The following TTC29 variants were observed in gnomAD, a reference collection of about 807,000 sequenced individuals.
TTC29 encodes tetratricopeptide repeat protein 29.
A neutral mutation model predicts 58.1 loss-of-function variants in TTC29; 49 were observed. The ratio of observed to expected loss-of-function variants is 0.84; its 90% CI spans 0.67 to 1.07. TTC29 has a LOEUF of 1.07. Ranked by LOEUF, TTC29 falls within the 50% of genes least tolerant of loss-of-function variation. The probability of loss-of-function intolerance (pLI) is 0.00; values close to 1 mark genes in which losing one functional copy is unlikely to be tolerated. For synonymous variants in TTC29, 209 were observed against 196.8 expected (o/e 1.06, Z -0.52); for missense variants, 582 against 555.6 (o/e 1.05, Z -0.48).
chr4:146,786,268 G>A (rs1172213246), intron 11 of TTC29, among the ~76,000 whole-genome samples: 1 of 152,202 alleles, frequency 6.6e-6, no homozygotes, highest in Non-Finnish European at 1.5e-5. Context: ...TAATGCACAA[G>A]TGACCGTTTG....
chr4:146,767,073 C>T (rs1464279474), intron 11 of TTC29, among the ~76,000 whole-genome samples: 2 of 152,008 alleles, frequency 1.3e-5, no homozygotes, highest in Non-Finnish European at 2.9e-5. Flanking sequence ...AGGTTTCCTT[C>T]GTAACACATG....
At chr4:146,903,094 A>G (rs1275351879) in intron 6 of TTC29, among the ~76,000 whole-genome samples, 3 of 152,142 alleles carry the variant, frequency 2.0e-5, no homozygotes, top group Non-Finnish European at 4.4e-5. Context: ...TAACATTATT[A>G]AGTATGAAGT....
chr4:146,886,643 A>T (rs899604640), intron 6 of TTC29, among the ~76,000 whole-genome samples: 3 of 152,266 alleles, frequency 2.0e-5, no homozygotes, highest in South Asian at 4.1e-4. Context: ...AAATTTTTTT[A>T]AATTTATAAT....
rs776758799 is a variant in TTC29 at position 146,903,609 on chromosome 4, T to G, written c.521A>C (p.Lys174Thr). Residue 174 changes from lysine to threonine, a missense_variant, in exon 6 of 13, where the codon AAA (lysine) becomes ACA (threonine). Coordinates refer to ENST00000325106, the MANE Select transcript of TTC29 (RefSeq NM_031956.4). ...GGCTTCTTTCTTCCCACAGTCAATT[T>G]TGATCAGCTGAGCAATCTTAAAACA... is the stretch of plus-strand genomic sequence containing the variant. The part of the protein sequence containing the change: ...ERCFKIAQLI[K>T]IDCGKKEAEA... 3 of 1,612,878 alleles carry G rather than the reference T, an allele frequency of 1.9e-6. No individual in the cohort carries two copies.
chr4:146,943,814 C>G (rs186997303), intron 2 of TTC29, among the ~76,000 whole-genome samples: 1 of 152,118 alleles, frequency 6.6e-6, no homozygotes, highest in Non-Finnish European at 1.5e-5. Context: ...GCCTTTTGGT[C>G]TTTGTTAATA....
At chr4:146,739,476 C>A (rs146842167) in intron 11 of TTC29, among the ~76,000 whole-genome samples, 4 of 152,230 alleles carry the variant, frequency 2.6e-5, no homozygotes, top group Non-Finnish European at 5.9e-5. Context: ...GATTTTCTTA[C>A]AAATTATGAT....
intron 10 of TTC29, among the ~76,000 whole-genome samples, chr4:146,807,245 A>G (rs1054555863): frequency 9.8e-5 from 15 of 152,354 alleles, no homozygotes; most frequent in African/African-American, 3.4e-4. Context: ...AGCAGTGTGT[A>G]GAGAGAAATT....
intron 3 of TTC29, 82 bp from the exon 4 acceptor site, chr4:146,937,759 A>C (rs1425585133): frequency 1.3e-6 from 1 of 768,072 alleles, no homozygotes; most frequent in African/African-American, 1.8e-5. Context: ...CACCAGGAGA[A>C]TAGAAATATT....
intron 6 of TTC29, among the ~76,000 whole-genome samples, chr4:146,888,614 G>A (rs1415542439): frequency 6.6e-6 from 1 of 152,074 alleles, no homozygotes; most frequent in East Asian, 1.9e-4. Flanking sequence ...ATCACATTTA[G>A]TTTCAAAACA....
At chr4:146,728,579 G>A (rs1304914408) in intron 11 of TTC29, among the ~76,000 whole-genome samples, 4 of 150,736 alleles carry the variant, frequency 2.7e-5, no homozygotes, top group Non-Finnish European at 5.9e-5. Flanking sequence ...CAGGGACAGG[G>A]AATGATGGAA....
chr4:146,721,280 A>G (rs1342411276), intron 11 of TTC29, among the ~76,000 whole-genome samples: 2 of 152,128 alleles, frequency 1.3e-5, no homozygotes, highest in East Asian at 3.9e-4. Context: ...AAGTCACAGA[A>G]AAGCAGAGCA....
At chr4:146,765,999 A>G (rs1747290664) in intron 11 of TTC29, among the ~76,000 whole-genome samples, 1 of 152,048 alleles carries the variant, frequency 6.6e-6, no homozygotes, top group African/African-American at 2.4e-5. Flanking sequence ...CACTAAAGGT[A>G]AGTTAGGGGC....
chr4:146,831,675 A>T (rs772394346), intron 9 of TTC29: 6 of 434,036 alleles, frequency 1.4e-5, no homozygotes, highest in Non-Finnish European at 2.8e-5. Flanking sequence ...TAATTGTTCA[A>T]CTCTTCACTT....
chr4:146,731,253 T>C (rs1298157429), intron 11 of TTC29, among the ~76,000 whole-genome samples: 1 of 152,046 alleles, frequency 6.6e-6, no homozygotes, highest in East Asian at 1.9e-4. Context: ...GCAGGGTCAT[T>C]AGTTGAGAGC....
intron 11 of TTC29, among the ~76,000 whole-genome samples, chr4:146,752,347 A>ATCCAAC (rs1310122967): frequency 1.3e-3 from 107 of 83,408 alleles, no homozygotes; most frequent in African/African-American, 2.2e-3. Context: ...ATAACAAGGG[A>ATCCAAC]TGTGAAGGAC....
intron 6 of TTC29, among the ~76,000 whole-genome samples, chr4:146,902,746 T>C (rs895440537): frequency 1.3e-5 from 2 of 152,144 alleles, no homozygotes; most frequent in Non-Finnish European, 2.9e-5. Flanking sequence ...TTCAGGCGCC[T>C]TGCGAGCTTT....
Position 146,833,902 on chromosome 4 carries a change from C to A in TTC29, c.886-5G>T. On this transcript the variant is annotated splice_polypyrimidine_tract_variant and splice_region_variant and intron_variant, in intron 8 of 12. Transcript: ENST00000325106. ...TTTACAGTAAGTGTCAAGGACCTAT[C>A]AGGAAGAGAAATACATATTGAACAT... 1 of 1,604,750 alleles carries A rather than the reference C, an allele frequency of 6.2e-7. No homozygotes were observed. Among genetic ancestry groups the A allele is most frequent in the Non-Finnish European group, 8.5e-7 (1 of 1,172,514 alleles).
chr4:146,741,830 C>G lies in TTC29; in HGVS notation c.1331-34279G>C, dbSNP rs569076156. 1.4e-4 allele frequency among the ~76,000 whole-genome samples: 21 copies of G among 152,294 alleles called. No homozygotes were observed. In the South Asian group the frequency reaches 3.5e-3, roughly 26 times the overall value. On this transcript the variant is annotated intron_variant, in intron 11 of 12. Transcript: ENST00000325106. ...CTCTACTCCCGTCACAACTTGAAAG[C>G]ATTTCCATGGGAAGCTTCTCCTAAG... is the stretch of plus-strand genomic sequence containing the variant.
chr4:146,730,203 G>T (rs1744223248), intron 11 of TTC29, among the ~76,000 whole-genome samples: 1 of 151,748 alleles, frequency 6.6e-6, no homozygotes, highest in Admixed American at 6.6e-5. Flanking sequence ...CTATAATAAT[G>T]TTAAATCCTG....
Sources: gnomAD v4.1 joint callset for allele counts (sites outside exome capture counted in the v4.1 genomes callset) on GRCh38, gnomAD v4.1.1 for gene constraint, MANE v1.5 for transcripts, NCBI Gene and HGNC (gene_info 2026-07-23, HGNC 2026-07-21) for gene names.